CACNA2D3: variants seen among roughly 807,000 people sequenced by gnomAD.
CACNA2D3 encodes calcium voltage-gated channel auxiliary subunit alpha2delta 3.
Under a neutral mutation model 160.6 loss-of-function variants are expected in CACNA2D3, and 60 were observed. That is an observed-to-expected ratio of 0.37 (90% CI 0.30 to 0.46). The LOEUF (loss-of-function observed/expected upper bound fraction) is 0.46, where lower values mean the gene tolerates loss of function less well. CACNA2D3 is among the 20% of genes least tolerant of loss of function. The pLI, the probability that CACNA2D3 is intolerant of heterozygous loss-of-function variation, is 1.00. For missense variants in CACNA2D3, 1,205 were observed against 1,365.0 expected (o/e 0.88, Z 1.85); for synonymous variants, 558 against 492.9 (o/e 1.13, Z -1.75).
At chr3:54,448,363 A>G (rs1046196064) in intron 4 of CACNA2D3, among the ~76,000 whole-genome samples, 4 of 152,188 alleles carry the variant, frequency 2.6e-5, no homozygotes, top group Non-Finnish European at 5.9e-5. Flanking sequence ...AGGAGGAGCC[A>G]TCTCCTCTAG....
intron 5 of CACNA2D3, among the ~76,000 whole-genome samples, chr3:54,522,951 TAC>T: frequency 6.6e-6 from 1 of 151,952 alleles, no homozygotes; most frequent in African/African-American, 2.4e-5. Context: ...CTTACTTACT[TAC>T]TTACTTACTT....
At chr3:54,290,220 C>G (rs1425914624) in intron 2 of CACNA2D3, among the ~76,000 whole-genome samples, 1 of 152,116 alleles carries the variant, frequency 6.6e-6, no homozygotes, top group African/African-American at 2.4e-5. Flanking sequence ...AAGAAAAAAA[C>G]AAACAGCCCC....
chr3:54,381,153 C>A (rs1472271390), intron 3 of CACNA2D3, among the ~76,000 whole-genome samples: 1 of 151,994 alleles, frequency 6.6e-6, no homozygotes, highest in Non-Finnish European at 1.5e-5. Flanking sequence ...ATTCCAACAC[C>A]CCATTTTAAC....
At chr3:55,008,966 A>G (rs550158803) in intron 33 of CACNA2D3, among the ~76,000 whole-genome samples, 49 of 151,340 alleles carry the variant, frequency 3.2e-4, no homozygotes, top group Non-Finnish European at 6.5e-4. Context: ...TCATTTTGAA[A>G]GCATGTTTTA....
At chr3:55,026,146 A>G (rs1169716208) in intron 35 of CACNA2D3, among the ~76,000 whole-genome samples, 2 of 152,138 alleles carry the variant, frequency 1.3e-5, no homozygotes, top group Non-Finnish European at 1.5e-5. Context: ...CACTGACCAC[A>G]GGATAACCAC....
At chr3:54,777,601 A>G (rs1351029591) in intron 13 of CACNA2D3, among the ~76,000 whole-genome samples, 1 of 152,210 alleles carries the variant, frequency 6.6e-6, no homozygotes, top group East Asian at 1.9e-4. Context: ...CAACTATTAA[A>G]CACGCTTGTC....
intron 14 of CACNA2D3, among the ~76,000 whole-genome samples, chr3:54,822,230 A>G (rs1703620770): frequency 6.6e-6 from 1 of 152,194 alleles, no homozygotes; most frequent in Non-Finnish European, 1.5e-5. Context: ...CTGAAAAATG[A>G]TAGCAGCACA....
intron 27 of CACNA2D3, 38 bp from the exon 28 acceptor site, chr3:54,968,412 G>A (rs758195921): frequency 3.7e-6 from 5 of 1,337,844 alleles, no homozygotes; most frequent in Non-Finnish European, 5.3e-6. Flanking sequence ...TGTGTAAAGG[G>A]ATCACTAATG....
intron 2 of CACNA2D3, among the ~76,000 whole-genome samples, chr3:54,256,659 A>G (rs946543754): frequency 1.3e-5 from 2 of 151,896 alleles, no homozygotes; most frequent in African/African-American, 4.8e-5. Context: ...AGAAGTTCAC[A>G]TTAATGGCAT....
chr3:54,630,016 TCA>T (rs112356311), intron 10 of CACNA2D3, among the ~76,000 whole-genome samples: 10 of 152,262 alleles, frequency 6.6e-5, no homozygotes, highest in South Asian at 2.1e-4. Flanking sequence ...GGTTTCTTGT[TCA>T]CAGTTATTGA....
intron 35 of CACNA2D3, among the ~76,000 whole-genome samples, chr3:55,064,524 C>G (rs190691378): frequency 2.2e-4 from 33 of 152,290 alleles, no homozygotes; most frequent in African/African-American, 7.0e-4. Context: ...TCAACCACCC[C>G]CTCCTCACAG....
intron 4 of CACNA2D3, among the ~76,000 whole-genome samples, chr3:54,389,036 G>C (rs1268636888): frequency 6.6e-6 from 1 of 152,166 alleles, no homozygotes; most frequent in Non-Finnish European, 1.5e-5. Context: ...CAGGCTGGGT[G>C]GCTCACACCT....
At chr3:54,177,595 C>T (rs1015247722) in intron 2 of CACNA2D3, among the ~76,000 whole-genome samples, 14 of 152,168 alleles carry the variant, frequency 9.2e-5, no homozygotes, top group African/African-American at 3.4e-4. Context: ...TTACGAGTTT[C>T]ATTTTTAGGA....
intron 29 of CACNA2D3, among the ~76,000 whole-genome samples, chr3:54,970,580 CCTCCCCTCCTCTCCT>C (rs1702253334): frequency 4.6e-5 from 2 of 43,452 alleles, no homozygotes; most frequent in Non-Finnish European, 9.7e-5. Flanking sequence ...CCTCCCTTCC[CCTCCCCTCCTCTCCT>C]CTCCCCTCCC....
rs369999515 is a variant in CACNA2D3, at chr3:54,290,387, G to A, written c.205-30055G>A. On this transcript the variant is annotated intron_variant, in intron 2 of 37. Coordinates refer to ENST00000474759, the MANE Select transcript of CACNA2D3 (RefSeq NM_018398.3). ...CCATCTCACACCGGTTAGAATGGCG[G>A]TCATTAAAAAGTCAGGAAACAACAG... Among the ~76,000 whole-genome samples, 130 of 152,192 alleles carry A rather than the reference G, an allele frequency of 8.5e-4. 5 individuals carry two copies. The Middle Eastern group carries it at 0.017, about 20-fold the overall frequency.
chr3:54,679,149 T>C (rs1700298462), intron 11 of CACNA2D3, among the ~76,000 whole-genome samples: 3 of 152,178 alleles, frequency 2.0e-5, no homozygotes, highest in Admixed American at 6.5e-5. Context: ...TGCGGTCCCA[T>C]TGGTCCTTTT....
At chr3:54,811,465 CTTTTTTTTTTTTTTTTTTTTTTTT>C (rs71096451) in intron 13 of CACNA2D3, among the ~76,000 whole-genome samples, 64 of 111,578 alleles carry the variant, frequency 5.7e-4, no homozygotes, top group South Asian at 3.4e-3. Context: ...TCCCTCAGTT[CTTTTTTTTTTTTTTTTTTTTTTTT>C]TTTTTTTTTT....
intron 31 of CACNA2D3, among the ~76,000 whole-genome samples, chr3:55,003,029 C>G (rs910724525): frequency 3.9e-5 from 6 of 152,174 alleles, no homozygotes; most frequent in Non-Finnish European, 7.3e-5. Flanking sequence ...GGGTGCTGTA[C>G]TAGGTGCTAG....
intron 3 of CACNA2D3, among the ~76,000 whole-genome samples, chr3:54,351,969 A>G (rs998843831): frequency 1.3e-5 from 2 of 152,192 alleles, no homozygotes; most frequent in African/African-American, 4.8e-5. Flanking sequence ...CACTTCTCTC[A>G]GAGTCTGCAG....
Sources: gnomAD v4.1 joint callset for allele counts (sites outside exome capture counted in the v4.1 genomes callset) on GRCh38, gnomAD v4.1.1 for gene constraint, MANE v1.5 for transcripts, NCBI Gene and HGNC (gene_info 2026-07-23, HGNC 2026-07-21) for gene names.